The following ETV1 variants were observed in gnomAD, a reference collection of about 807,000 sequenced individuals.
ETV1 encodes ETS variant transcription factor 1.
Under a neutral mutation model 62.3 loss-of-function variants are expected in ETV1, and 27 were observed. The observed-to-expected ratio is 0.43, with a 90% CI of 0.32 to 0.60. ETV1 has a LOEUF of 0.60. ETV1 is among the 20% of genes least tolerant of loss of function. The pLI is 0.06. For synonymous variants in ETV1, 222 were observed against 199.6 expected, an observed-to-expected ratio of 1.11 and a Z score of -0.94; for missense variants, 605 against 605.8, an observed-to-expected ratio of 1.00 and a Z score of 0.01.
rs887885682 is a variant in ETV1 at position 13,893,822 on chromosome 7, A to G, written c.*2044T>C. The G allele has an allele frequency of 8.6e-6, 2 of 233,014 alleles. No individual in the cohort carries two copies. The highest frequency in any genetic ancestry group is 4.4e-5 in the African/African-American group (2 of 45,322). The allele number at this position is 233,014 out of a possible 1,614,324, so 14.4% of individuals were successfully genotyped here. On this transcript the variant is annotated 3_prime_UTR_variant, in exon 14 of 14. Coordinates refer to ENST00000430479, the MANE Select transcript of ETV1 (RefSeq NM_004956.5). ...AAGTGCTGTAGATGGCCACATAAGC[A>G]TAGTGGGGAGAAAAGGTTCTGATTT...
At chr7:13,929,620 C>A (rs536079796) in intron 9 of ETV1, among the ~76,000 whole-genome samples, 7 of 152,298 alleles carry the variant, frequency 4.6e-5, no homozygotes, top group Admixed American at 1.3e-4. Context: ...TCACGAACAA[C>A]TGCCCTTTAG....
At chr7:13,958,554 A>T (rs1426218848) in intron 6 of ETV1, among the ~76,000 whole-genome samples, 1 of 152,202 alleles carries the variant, frequency 6.6e-6, no homozygotes, top group Non-Finnish European at 1.5e-5. Context: ...GCCAAGGAAG[A>T]TCGTTCCAGT....
Position 13,930,789 on chromosome 7 carries a change from A to AAT in ETV1, c.802+711_802+712dup, listed in dbSNP as rs199840071. On this transcript the variant is annotated intron_variant, in intron 9 of 13. Coordinates refer to ENST00000430479, the MANE Select transcript of ETV1 (RefSeq NM_004956.5). ...ACGAACACTTAGAATCTTTGCCACC[A>AAT]ATATATATTTTTTTTTTTTTGAGAT... is the stretch of plus-strand genomic sequence containing the variant. Among the ~76,000 whole-genome samples, 83 of 124,132 alleles carry AAT rather than the reference A, an allele frequency of 6.7e-4. No homozygotes were observed. In the East Asian group the frequency reaches 0.025, roughly 38 times the overall value. The allele number at this position is 124,132 out of a possible 152,430, so 81.4% of individuals were successfully genotyped here. A position where few individuals can be genotyped will look rare whatever the true frequency, so the allele number is the denominator to read the frequency against.
Position 13,895,839 on chromosome 7 carries a change from A to G in ETV1, c.*27T>C. The G allele has an allele frequency of 6.4e-7, 1 of 1,564,200 alleles. No homozygotes were observed. On this transcript the variant is annotated 3_prime_UTR_variant, in exon 14 of 14. Transcript: ENST00000430479. ...CTTGCAGAAAAAAGGAAAAGCGCAA[A>G]AACGCCCTGCTTGACTGTCACTTGT...
In ETV1 at chr7:13,935,813, T is replaced by G; in HGVS notation, c.449A>C (p.His150Pro). ...PSSTPVSPLH[H>P]ASPNSTHTPK... ...TGTATGAGTTGAGTTTGGAGATGCA[T>G]GATGCAGTGGGGACACTGGCGTGCT... Residue 150 changes from histidine to proline, a missense_variant, in exon 8 of 14, where the codon CAT (histidine) becomes CCT (proline). By Grantham distance (77) the His-to-Pro change is moderately conservative. Coordinates refer to ENST00000430479, the MANE Select transcript of ETV1 (RefSeq NM_004956.5). 1 of 1,613,834 alleles carries G rather than the reference T, an allele frequency of 6.2e-7. No individual in the cohort carries two copies. The highest frequency in any genetic ancestry group is 1.3e-5 in the African/African-American group (1 of 74,998).
At chr7:13,907,292 T>C (rs1783069066) in intron 11 of ETV1, among the ~76,000 whole-genome samples, 1 of 152,152 alleles carries the variant, frequency 6.6e-6, no homozygotes, top group African/African-American at 2.4e-5. Context: ...AAAAATTCTC[T>C]CTCATTTTTC....
chr7:13,963,834 T>C (rs911315839), intron 6 of ETV1, among the ~76,000 whole-genome samples: 1 of 152,178 alleles, frequency 6.6e-6, no homozygotes, highest in Non-Finnish European at 1.5e-5. Context: ...ATTTCCACTT[T>C]GATCAATGGG....
rs781001175 is a variant in ETV1, at chr7:13,931,711, G to A, written c.593C>T (p.Pro198Leu). Residue 198 changes from proline to leucine, a missense_variant, in exon 9 of 14, where the codon CCT (proline) becomes CTT (leucine). By Grantham distance (98) the Pro-to-Leu change is moderately conservative. Coordinates refer to ENST00000430479, the MANE Select transcript of ETV1 (RefSeq NM_004956.5). ...TTCCCTTGGCATCGTCGGCAAAGGA[G>A]GAAAGGAGTTACAGGGTTCAGAAAG... ...RQLSEPCNSF[P>L]PLPTMPREGR... 1 of 1,614,030 alleles carries A rather than the reference G, an allele frequency of 6.2e-7. No individual in the cohort carries two copies. The highest frequency in any genetic ancestry group is 2.2e-5 in the East Asian group (1 of 44,880).
chr7:13,990,143 C>A (rs536058458), upstream of ETV1, among the ~76,000 whole-genome samples: 1 of 152,266 alleles, frequency 6.6e-6, no homozygotes, highest in South Asian at 2.1e-4. Context: ...TAGGAGCTCA[C>A]CTCGCTCTCT....
chr7:13,950,940 AC>A (rs1350666156), intron 6 of ETV1, among the ~76,000 whole-genome samples: 10 of 141,880 alleles, frequency 7.0e-5, no homozygotes, highest in South Asian at 4.5e-4. Context: ...ACACACACAC[AC>A]AATATCGAGC....
In ETV1 at chr7:13,949,720, C is replaced by T. The variant is rs79378740; in HGVS notation, c.236-10474G>A. 5.4e-4 allele frequency among the ~76,000 whole-genome samples: 82 copies of T among 152,196 alleles called. 1 individual carries two copies. Among genetic ancestry groups the T allele is most frequent in the African/African-American group, 1.7e-3 (72 of 41,520 alleles). ...TGAATTATGTCTGTGACAAAACAAG[C>T]GATAACATTTCTAAACTGCTATCAA... On this transcript the variant is annotated intron_variant, in intron 6 of 13. Transcript: ENST00000430479.
intron 6 of ETV1, among the ~76,000 whole-genome samples, chr7:13,962,424 G>A (rs985639661): frequency 9.9e-5 from 15 of 151,930 alleles, no homozygotes; most frequent in African/African-American, 3.6e-4. Flanking sequence ...ATCTCATCAC[G>A]TTTATATCAT....
At chr7:13,914,144 CAA>C (rs1490633513) in intron 9 of ETV1, among the ~76,000 whole-genome samples, 2 of 151,798 alleles carry the variant, frequency 1.3e-5, no homozygotes, top group Non-Finnish European at 2.9e-5. Context: ...CTCGGCCTCC[CAA>C]AGTGCTGGGA....
At chr7:13,911,662 A>AATCCC in intron 9 of ETV1, among the ~76,000 whole-genome samples, 1 of 152,240 alleles carries the variant, frequency 6.6e-6, no homozygotes, top group East Asian at 1.9e-4. Flanking sequence ...AAATTTGTAT[A>AATCCC]ATCCCATAGC....
chr7:13,920,441 A>AGTGTGTGTGTGT (rs4027263), intron 9 of ETV1, among the ~76,000 whole-genome samples: 155 of 148,534 alleles, frequency 1.0e-3, no homozygotes, highest in Middle Eastern at 7.0e-3. Context: ...AGAGTGAGTG[A>AGTGTGTGTGTGT]GTGTGTGTGT....
intron 12 of ETV1, among the ~76,000 whole-genome samples, chr7:13,903,129 C>T (rs886177402): frequency 3.9e-5 from 6 of 152,112 alleles, no homozygotes; most frequent in Non-Finnish European, 8.8e-5. Context: ...AAAGTCAAGG[C>T]ATAGTTTCCA....
At chr7:13,943,541 T>C (rs1227450056) in intron 6 of ETV1, among the ~76,000 whole-genome samples, 2 of 152,202 alleles carry the variant, frequency 1.3e-5, no homozygotes, top group African/African-American at 4.8e-5. Context: ...AAAGGGTGCA[T>C]ATGTTCATGA....
intron 6 of ETV1, 78 bp from the exon 7 acceptor site, chr7:13,939,324 G>C: frequency 8.1e-7 from 1 of 1,236,112 alleles, no homozygotes; most frequent in Non-Finnish European, 1.1e-6. Context: ...TACTTCTCTT[G>C]TTAAAAAGGT....
intron 5 of ETV1, among the ~76,000 whole-genome samples, chr7:13,984,320 T>C (rs1782318818): frequency 6.6e-6 from 1 of 152,060 alleles, no homozygotes; most frequent in South Asian, 2.1e-4. Flanking sequence ...TGGCAATGTT[T>C]TAATTTCTGG....
Sources: gnomAD v4.1 joint callset for allele counts (sites outside exome capture counted in the v4.1 genomes callset) on GRCh38, gnomAD v4.1.1 for gene constraint, MANE v1.5 for transcripts, NCBI Gene and HGNC (gene_info 2026-07-23, HGNC 2026-07-21) for gene names.